The following SEMA6D variants were observed in gnomAD, a reference collection of about 807,000 sequenced individuals.
The protein encoded by SEMA6D is semaphorin 6D, also known as semaphorin-6D.
SEMA6D carries 35 observed loss-of-function variants against 106.6 expected under a neutral mutation model. The observed-to-expected ratio is 0.33, with a 90% confidence interval of 0.25 to 0.44. The LOEUF is 0.44. Ranked by LOEUF, SEMA6D falls within the 20% of genes least tolerant of loss-of-function variation. The pLI is 1.00. For synonymous variants in SEMA6D, 499 were observed against 487.7 expected, an observed-to-expected ratio of 1.02 and a Z score of -0.31; for missense variants, 1,185 against 1,345.9, an observed-to-expected ratio of 0.88 and a Z score of 1.87.
Position 47,287,247 on chromosome 15 carries a change from A to G in SEMA6D, c.-239+102829A>G, listed in dbSNP as rs762254916. On this transcript the variant is annotated intron_variant, in intron 1 of 19. Coordinates refer to the SEMA6D transcript ENST00000558014. ...TGTACGGAAGAGCTCCCCAACCTGC[A>G]CTGGACATGTAGTAAGAGCAAGAAA... Among the ~76,000 whole-genome samples, 3 of 152,202 alleles carry G rather than the reference A, an allele frequency of 2.0e-5. No homozygotes were observed. In the South Asian group the frequency reaches 6.2e-4, roughly 31 times the overall value.
At chr15:47,239,076 C>T (rs2032740841) in intron 1 of SEMA6D, among the ~76,000 whole-genome samples, 1 of 152,154 alleles carries the variant, frequency 6.6e-6, no homozygotes, top group Non-Finnish European at 1.5e-5. Flanking sequence ...ATAGCCACTC[C>T]CCATTGCTCA....
chr15:47,325,301 G>T (rs1241528658), intron 1 of SEMA6D, among the ~76,000 whole-genome samples: 2 of 152,048 alleles, frequency 1.3e-5, no homozygotes, highest in African/African-American at 4.8e-5. Context: ...AGCCTTCCGA[G>T]TAAACTGGAC....
intron 1 of SEMA6D, among the ~76,000 whole-genome samples, chr15:47,236,949 C>T (rs2032583441): frequency 6.6e-6 from 1 of 152,066 alleles, no homozygotes; most frequent in Non-Finnish European, 1.5e-5. Context: ...GCCTAGGTTG[C>T]AAGCAAGAGA....
intron 3 of SEMA6D, among the ~76,000 whole-genome samples, chr15:47,566,094 C>G (rs2046222975): frequency 1.3e-5 from 2 of 152,300 alleles, no homozygotes; most frequent in East Asian, 1.9e-4. Context: ...CACAGAGTAC[C>G]AGTTACCTCA....
chr15:47,250,388 AAG>A (rs1442818646), intron 1 of SEMA6D, among the ~76,000 whole-genome samples: 1 of 151,750 alleles, frequency 6.6e-6, no homozygotes, highest in Admixed American at 6.6e-5. Flanking sequence ...GAAAGAGAAA[AAG>A]AGAAAGAGAA....
intron 3 of SEMA6D, among the ~76,000 whole-genome samples, chr15:47,515,892 C>CA (rs1193185532): frequency 1.3e-5 from 2 of 152,058 alleles, no homozygotes; most frequent in Non-Finnish European, 2.9e-5. Context: ...AATTACCTTT[C>CA]AAAAAATACC....
intron 4 of SEMA6D, among the ~76,000 whole-genome samples, chr15:47,710,586 G>A (rs1162989778): frequency 5.3e-5 from 8 of 151,986 alleles, no homozygotes; most frequent in African/African-American, 1.2e-4. Flanking sequence ...AAATACACAC[G>A]CACACACACA....
At chr15:47,405,018 T>C (rs1413584352) in intron 1 of SEMA6D, among the ~76,000 whole-genome samples, 3 of 151,880 alleles carry the variant, frequency 2.0e-5, no homozygotes, top group African/African-American at 4.8e-5. Context: ...TCTTAAAGAA[T>C]GAGTAGGAAA....
intron 1 of SEMA6D, among the ~76,000 whole-genome samples, chr15:47,318,213 GT>G (rs1878664382): frequency 1.3e-5 from 2 of 149,378 alleles, no homozygotes; most frequent in African/African-American, 4.9e-5. Context: ...TTTTATAGAA[GT>G]TGCGAATATT....
intron 3 of SEMA6D, among the ~76,000 whole-genome samples, chr15:47,553,088 G>C (rs2045810571): frequency 6.7e-6 from 1 of 149,610 alleles, no homozygotes; most frequent in Non-Finnish European, 1.5e-5. Context: ...ATTTTTATTA[G>C]AGACAGGGTT....
At chr15:47,194,598 G>A (rs112194622) in intron 1 of SEMA6D, among the ~76,000 whole-genome samples, 11 of 152,272 alleles carry the variant, frequency 7.2e-5, no homozygotes, top group African/African-American at 2.4e-4. Context: ...TTTAGAGAAT[G>A]TTCAGTAGGG....
intron 2 of SEMA6D, among the ~76,000 whole-genome samples, chr15:47,437,756 A>G (rs576662104): frequency 1.3e-5 from 2 of 152,244 alleles, no homozygotes; most frequent in South Asian, 2.1e-4. Context: ...CTAATTTGCT[A>G]TAATTACAAA....
At chr15:47,668,770 T>A (rs2078080206) in intron 4 of SEMA6D, among the ~76,000 whole-genome samples, 1 of 152,162 alleles carries the variant, frequency 6.6e-6, no homozygotes, top group Admixed American at 6.5e-5. Context: ...CCATTCTGAA[T>A]GTGGGTGCCT....
intron 1 of SEMA6D, among the ~76,000 whole-genome samples, chr15:47,385,513 G>C (rs59682737): frequency 3.3e-5 from 5 of 152,082 alleles, no homozygotes; most frequent in African/African-American, 1.2e-4. Context: ...CTTTCCCTGA[G>C]ATTATTTTTC....
intron 3 of SEMA6D, among the ~76,000 whole-genome samples, chr15:47,600,341 C>T (rs187904510): frequency 1.8e-4 from 28 of 152,138 alleles, no homozygotes; most frequent in African/African-American, 4.8e-4. Flanking sequence ...GAGTGTTATA[C>T]GACTGAACCT....
At chr15:47,371,688 C>T (rs1049455427) in intron 1 of SEMA6D, among the ~76,000 whole-genome samples, 1 of 152,056 alleles carries the variant, frequency 6.6e-6, no homozygotes, top group Non-Finnish European at 1.5e-5. Context: ...GAGAATATCC[C>T]CATACAACTT....
intron 2 of SEMA6D, among the ~76,000 whole-genome samples, chr15:47,413,952 G>C (rs1398204700): frequency 6.6e-6 from 1 of 152,144 alleles, no homozygotes; most frequent in Non-Finnish European, 1.5e-5. Flanking sequence ...TGGAAATTCA[G>C]CATTCATATT....
chr15:47,308,927 C>T (rs2036334659), intron 1 of SEMA6D, among the ~76,000 whole-genome samples: 1 of 152,140 alleles, frequency 6.6e-6, no homozygotes, highest in Admixed American at 6.6e-5. Flanking sequence ...ATTGATTTGG[C>T]ATCATATGGA....
chr15:47,480,140 T>C (rs1211717073), intron 3 of SEMA6D, among the ~76,000 whole-genome samples: 1 of 151,920 alleles, frequency 6.6e-6, no homozygotes, highest in Non-Finnish European at 1.5e-5. Flanking sequence ...TTACAGGCAC[T>C]AGCCACCACA....
Sources: gnomAD v4.1 joint callset for allele counts (sites outside exome capture counted in the v4.1 genomes callset) on GRCh38, gnomAD v4.1.1 for gene constraint, MANE v1.5 for transcripts, NCBI Gene and HGNC (gene_info 2026-07-23, HGNC 2026-07-21) for gene names.